KLF7: variants seen among roughly 807,000 people sequenced by gnomAD.
KLF7 encodes the protein KLF transcription factor 7.
Under a neutral mutation model 27.3 loss-of-function variants are expected in KLF7, and 2 were observed. That is an observed-to-expected ratio of 0.07 (90% CI 0.03 to 0.23). KLF7 has a LOEUF of 0.23. Among genes scored for constraint, KLF7 ranks in the 10% least tolerant of loss-of-function variants. The pLI is 1.00. For synonymous variants in KLF7, 165 were observed against 162.4 expected (o/e 1.02, Z -0.12); for missense variants, 221 against 394.1 (o/e 0.56, Z 3.72).
At chr2:207,101,554 G>C (rs1271765668) in intron 2 of KLF7, among the ~76,000 whole-genome samples, 1 of 152,150 alleles carries the variant, frequency 6.6e-6, no homozygotes, top group Non-Finnish European at 1.5e-5. Context: ...CTGAGGTCAA[G>C]GGTAAGTATG....
At chr2:207,168,948 T>TA (rs2078766237), upstream of KLF7, among the ~76,000 whole-genome samples, 1 of 152,210 alleles carries the variant, frequency 6.6e-6, no homozygotes, top group African/African-American at 2.4e-5. Context: ...AACTACCACT[T>TA]ACTGGTTGAT....
Position 207,078,487 on chromosome 2 carries a change from G to C in KLF7, c.*2726C>G, listed in dbSNP as rs1481571893. ...CATTTTTTAAACTTTCTTTTTAATA[G>C]AGCCTTGCATTGGTCAGTTCGAAAA... is the stretch of plus-strand genomic sequence containing the variant. On this transcript the variant is annotated 3_prime_UTR_variant, in exon 4 of 4. Coordinates refer to ENST00000309446, the MANE Select transcript of KLF7 (RefSeq NM_003709.4). 6.6e-6 allele frequency: 1 copy of C among 152,180 alleles called. No homozygotes were observed. The highest frequency in any genetic ancestry group is 1.5e-5 in the Non-Finnish European group (1 of 68,040). The allele number at this position is 152,180 out of a possible 1,614,324, so 9.4% of individuals were successfully genotyped here.
At chr2:207,097,052 T>A (rs2076647928) in intron 2 of KLF7, among the ~76,000 whole-genome samples, 1 of 152,202 alleles carries the variant, frequency 6.6e-6, no homozygotes, top group Non-Finnish European at 1.5e-5. Flanking sequence ...AATCTGCATT[T>A]CTAACAAATT....
intron 1 of KLF7, among the ~76,000 whole-genome samples, chr2:207,161,454 G>T (rs2078543362): frequency 6.6e-6 from 1 of 152,166 alleles, no homozygotes; most frequent in Non-Finnish European, 1.5e-5. Context: ...TCTAATTCAT[G>T]ACAAGGCTAT....
rs1436288280 is a variant in KLF7, at chr2:207,080,240, A to G, written c.*973T>C. ...TCCTGGAGAGGTTTAGTCCATGGAG[A>G]AAAGATAAAACATTTAAGCTTCCAA... On this transcript the variant is annotated 3_prime_UTR_variant, in exon 4 of 4. Coordinates refer to ENST00000309446, the MANE Select transcript of KLF7 (RefSeq NM_003709.4). 6.6e-6 allele frequency: 1 copy of G among 152,196 alleles called. No homozygotes were observed. Among genetic ancestry groups the G allele is most frequent in the Non-Finnish European group, 1.5e-5 (1 of 68,034 alleles). The allele number at this position is 152,196 out of a possible 1,614,324, so 9.4% of individuals were successfully genotyped here.
intron 1 of KLF7, among the ~76,000 whole-genome samples, chr2:207,140,072 A>G (rs779195093): frequency 3.3e-5 from 5 of 152,084 alleles, no homozygotes; most frequent in African/African-American, 4.8e-5. Context: ...TATTTTTAGT[A>G]GAGATGGGGT....
At chr2:207,097,744 T>C (rs1182689412) in intron 2 of KLF7, among the ~76,000 whole-genome samples, 3 of 152,270 alleles carry the variant, frequency 2.0e-5, no homozygotes, top group Non-Finnish European at 2.9e-5. Flanking sequence ...AATTTAGCTG[T>C]TGAAAATTAA....
At chr2:207,105,355 G>A (rs1442536066) in intron 2 of KLF7, among the ~76,000 whole-genome samples, 3 of 152,174 alleles carry the variant, frequency 2.0e-5, no homozygotes, top group East Asian at 1.9e-4. Context: ...CAGGCAGCCC[G>A]ATGGTGCTTT....
chr2:207,160,224 G>A (rs73985505), intron 1 of KLF7, among the ~76,000 whole-genome samples: 1 of 151,838 alleles, frequency 6.6e-6, no homozygotes, highest in Non-Finnish European at 1.5e-5. Flanking sequence ...AAAACATTCC[G>A]CCCCCCTACC....
At chr2:207,088,327 G>A in intron 3 of KLF7, 131 bp downstream of exon 3, 1 of 1,082,288 alleles carries the variant, frequency 9.2e-7, no homozygotes. Flanking sequence ...TCTCCATGGA[G>A]AAAAGGCATT....
chr2:207,149,375 G>C (rs2078180579), intron 1 of KLF7, among the ~76,000 whole-genome samples: 1 of 152,202 alleles, frequency 6.6e-6, no homozygotes, highest in Non-Finnish European at 1.5e-5. Context: ...GGCCTCCTGG[G>C]CCCATATCCC....
chr2:207,081,991 T>A (rs1337821105), intron 3 of KLF7, among the ~76,000 whole-genome samples: 1 of 150,980 alleles, frequency 6.6e-6, no homozygotes, highest in East Asian at 1.9e-4. Context: ...TCACGCTTTG[T>A]GTGTGTGTGT....
intron 1 of KLF7, among the ~76,000 whole-genome samples, chr2:207,132,501 T>C (rs2077662913): frequency 6.6e-6 from 1 of 152,226 alleles, no homozygotes; most frequent in Non-Finnish European, 1.5e-5. Flanking sequence ...AATATTTGTT[T>C]GCATATGTTT....
intron 2 of KLF7, among the ~76,000 whole-genome samples, chr2:207,114,446 AC>A (rs2077123205): frequency 1.3e-5 from 2 of 152,236 alleles, no homozygotes; most frequent in Admixed American, 1.3e-4. Flanking sequence ...ACATTAAACT[AC>A]ATAAACACAC....
chr2:207,086,746 AT>A (rs554679332), intron 3 of KLF7, among the ~76,000 whole-genome samples: 1 of 152,234 alleles, frequency 6.6e-6, no homozygotes, highest in Non-Finnish European at 1.5e-5. Context: ...AACTTTGGCA[AT>A]TTCCCCATAA....
Position 207,121,607 on chromosome 2 carries a change from T to C in KLF7, c.733+2167A>G, listed in dbSNP as rs201550115. On this transcript the variant is annotated intron_variant, in intron 2 of 3. Transcript: ENST00000309446. Reference sequence around the variant, plus strand: ...GGCTCAGCTCTTAAGTGCTCTGCGATACTGCTTTTCTAACAATGCCTGGTG... The same window carrying C: ...GGCTCAGCTCTTAAGTGCTCTGCGACACTGCTTTTCTAACAATGCCTGGTG... The C allele has an allele frequency of 9.8e-5, 15 of 152,352 alleles. 1 individual carries two copies. In the East Asian group the frequency reaches 2.9e-3, roughly 29 times the overall value. The allele number at this position is 152,352 out of a possible 1,614,324, so 9.4% of individuals were successfully genotyped here.
chr2:207,081,998 G>T (rs75637969), intron 3 of KLF7, among the ~76,000 whole-genome samples: 2,064 of 152,124 alleles, frequency 0.014, 58 homozygotes, highest in African/African-American at 0.046. Context: ...TTGTGTGTGT[G>T]TGTGTTGGGG....
intron 2 of KLF7, among the ~76,000 whole-genome samples, chr2:207,097,921 C>A (rs571276984): frequency 2.0e-5 from 3 of 152,046 alleles, no homozygotes; most frequent in East Asian, 3.9e-4. Context: ...AGCCAACAAA[C>A]ACCACTGCTC....
chr2:207,139,155 G>A (rs1011111863), intron 1 of KLF7, among the ~76,000 whole-genome samples: 5 of 152,166 alleles, frequency 3.3e-5, no homozygotes, highest in Admixed American at 1.3e-4. Context: ...AAAACAGGCT[G>A]ACAGAAACAG....
Sources: gnomAD v4.1 joint callset for allele counts (sites outside exome capture counted in the v4.1 genomes callset) on GRCh38, gnomAD v4.1.1 for gene constraint, MANE v1.5 for transcripts, NCBI Gene and HGNC (gene_info 2026-07-23, HGNC 2026-07-21) for gene names.